Variants in RNGTT observed in about 807,000 individuals in gnomAD.
The protein encoded by RNGTT is RNA guanylyltransferase and 5'-phosphatase, also known as mRNA-capping enzyme.
RNGTT carries 33 observed loss-of-function variants against 79.3 expected under a neutral mutation model. The ratio of observed to expected loss-of-function variants is 0.42; its 90% CI spans 0.32 to 0.56. RNGTT has a LOEUF of 0.56. Among genes scored for constraint, RNGTT ranks in the 20% least tolerant of loss-of-function variants. RNGTT has a pLI of 0.17. For synonymous variants in RNGTT, 222 were observed against 235.9 expected (o/e 0.94, Z 0.54); for missense variants, 497 against 739.1 (o/e 0.67, Z 3.80).
At chr6:88,869,319 G>A (rs1322923680) in intron 8 of RNGTT, among the ~76,000 whole-genome samples, 1 of 152,158 alleles carries the variant, frequency 6.6e-6, no homozygotes, top group East Asian at 1.9e-4. Context: ...CTTCCTCACA[G>A]GAGTTATAGC....
At chr6:88,676,496 C>A (rs1215256216) in intron 14 of RNGTT, among the ~76,000 whole-genome samples, 1 of 151,874 alleles carries the variant, frequency 6.6e-6, no homozygotes, top group Non-Finnish European at 1.5e-5. Context: ...AGAATACATA[C>A]GAGAAAAATC....
rs568916136 is a variant in RNGTT, at chr6:88,950,922, G to A, written c.65-9742C>T. Among the ~76,000 whole-genome samples the A allele has an allele frequency of 2.9e-4, 44 of 151,208 alleles. 1 individual carries two copies. Among genetic ancestry groups the A allele is most frequent in the Admixed American group, 4.6e-4 (7 of 15,146 alleles). On this transcript the variant is annotated intron_variant, in intron 1 of 15. Coordinates refer to ENST00000369485, the MANE Select transcript of RNGTT (RefSeq NM_003800.5). ...CACTCAGGCTGAAATACAGTGGCGC[G>A]ACCTTGGCTCACTGCAATCTCCATC... is the stretch of plus-strand genomic sequence containing the variant.
At chr6:88,637,010 A>C (rs982136783) in intron 14 of RNGTT, among the ~76,000 whole-genome samples, 9 of 152,220 alleles carry the variant, frequency 5.9e-5, no homozygotes, top group African/African-American at 2.2e-4. Flanking sequence ...TATGTTATTC[A>C]ATTTTTAAGC....
At chr6:88,828,707 CT>C (rs1780751407) in intron 11 of RNGTT, among the ~76,000 whole-genome samples, 1 of 151,746 alleles carries the variant, frequency 6.6e-6, no homozygotes, top group Admixed American at 6.6e-5. Flanking sequence ...CCTGAGAAAG[CT>C]GAAAAACACA....
At chr6:88,949,228 C>A in intron 1 of RNGTT, among the ~76,000 whole-genome samples, 1 of 124,676 alleles carries the variant, frequency 8.0e-6, no homozygotes, top group African/African-American at 3.1e-5. Context: ...CCAGTGAACA[C>A]ACAAATGATA....
intron 12 of RNGTT, among the ~76,000 whole-genome samples, chr6:88,778,281 A>C (rs1778956513): frequency 6.6e-6 from 1 of 152,192 alleles, no homozygotes; most frequent in Non-Finnish European, 1.5e-5. Flanking sequence ...GATTTGCAGC[A>C]TGAAGTAAAT....
At chr6:88,767,321 TA>T (rs1460966263) in intron 13 of RNGTT, among the ~76,000 whole-genome samples, 1 of 152,060 alleles carries the variant, frequency 6.6e-6, no homozygotes, top group African/African-American at 2.4e-5. Context: ...AAAATATATT[TA>T]AAACGTACTA....
chr6:88,871,575 T>A (rs934445517), intron 8 of RNGTT, among the ~76,000 whole-genome samples: 2 of 152,196 alleles, frequency 1.3e-5, no homozygotes, highest in African/African-American at 4.8e-5. Context: ...ACTACTTTTA[T>A]CTTGGGTGTT....
rs1425134179 is a variant in RNGTT, at chr6:88,898,512, T to C, written c.684+6203A>G. Reference sequence around the variant, plus strand: ...TTCTTAATAGCCTGCTATTATTTTATGGATTGATAGCCTCTCTTGTCTTCT... The same window carrying C: ...TTCTTAATAGCCTGCTATTATTTTACGGATTGATAGCCTCTCTTGTCTTCT... On this transcript the variant is annotated intron_variant, in intron 6 of 15. Transcript: ENST00000369485. Among the ~76,000 whole-genome samples, 3 of 152,034 alleles carry C rather than the reference T, an allele frequency of 2.0e-5. No homozygotes were observed. In the East Asian group the frequency reaches 5.8e-4, roughly 29 times the overall value.
intron 13 of RNGTT, among the ~76,000 whole-genome samples, chr6:88,754,709 CCT>C (rs1777949365): frequency 6.6e-6 from 1 of 152,182 alleles, no homozygotes; most frequent in African/African-American, 2.4e-5. Context: ...TCAAGGAACA[CCT>C]GGCCTACCCA....
intron 8 of RNGTT, among the ~76,000 whole-genome samples, chr6:88,879,251 A>C (rs1312013403): frequency 6.6e-6 from 1 of 152,150 alleles, no homozygotes; most frequent in African/African-American, 2.4e-5. Context: ...AAAAATAGAC[A>C]GGTGTGGTGG....
chr6:88,625,592 G>C (rs988829667), intron 14 of RNGTT, among the ~76,000 whole-genome samples: 6 of 151,784 alleles, frequency 4.0e-5, no homozygotes, highest in African/African-American at 1.2e-4. Flanking sequence ...ATTACAAAGG[G>C]GTTGTCATGT....
chr6:88,631,941 A>G (rs1772905704), intron 14 of RNGTT, among the ~76,000 whole-genome samples: 1 of 152,054 alleles, frequency 6.6e-6, no homozygotes, highest in Non-Finnish European at 1.5e-5. Flanking sequence ...CTGAAAGAGT[A>G]CCAAGTCCAC....
At chr6:88,840,411 T>C (rs1781236829) in intron 11 of RNGTT, among the ~76,000 whole-genome samples, 2 of 152,204 alleles carry the variant, frequency 1.3e-5, no homozygotes, top group South Asian at 4.1e-4. Flanking sequence ...TATTTATTTA[T>C]TTCGAGACAG....
intron 13 of RNGTT, among the ~76,000 whole-genome samples, chr6:88,729,785 T>C (rs1011115337): frequency 4.6e-5 from 7 of 152,276 alleles, no homozygotes; most frequent in African/African-American, 1.7e-4. Flanking sequence ...CTGATGGAAG[T>C]ATAACAAAGG....
At chr6:88,713,684 AAATGG>A (rs1424025674) in intron 13 of RNGTT, among the ~76,000 whole-genome samples, 1 of 152,234 alleles carries the variant, frequency 6.6e-6, no homozygotes, top group African/African-American at 2.4e-5. Flanking sequence ...GTAAAAAATT[AAATGG>A]AATTGTTTAT....
chr6:88,950,810 G>A (rs1181624458), intron 1 of RNGTT, among the ~76,000 whole-genome samples: 1 of 152,014 alleles, frequency 6.6e-6, no homozygotes, highest in Non-Finnish European at 1.5e-5. Flanking sequence ...CCAACCTGGA[G>A]GACACAGTGA....
At chr6:88,614,160 A>G in intron 15 of RNGTT, 112 bp downstream of exon 15, 1 of 967,560 alleles carries the variant, frequency 1.0e-6, no homozygotes, top group South Asian at 1.7e-5. Context: ...ACAAGGATGA[A>G]GTCCAAATGA....
intron 11 of RNGTT, among the ~76,000 whole-genome samples, chr6:88,837,652 G>T (rs1247726126): frequency 6.6e-6 from 1 of 151,664 alleles, no homozygotes; most frequent in African/African-American, 2.4e-5. Flanking sequence ...ATGAGAGAAT[G>T]ATTCAACATC....
Sources: allele counts gnomAD v4.1 joint callset (sites outside exome capture counted in the v4.1 genomes callset), GRCh38; gene constraint gnomAD v4.1.1; transcripts MANE v1.5; gene names NCBI Gene and HGNC (gene_info 2026-07-23, HGNC 2026-07-21).